Variants in GPR39 observed in about 807,000 individuals in gnomAD.
The protein encoded by GPR39 is G protein-coupled receptor 39, also known as zinc sensing receptor.
Under a neutral mutation model 18.4 loss-of-function variants are expected in GPR39, and 23 were observed. That is an observed-to-expected ratio of 1.25 (90% CI 0.90 to 1.77). The LOEUF (loss-of-function observed/expected upper bound fraction) is 1.77, where lower values mean the gene tolerates loss of function less well. GPR39 is among the 40% of genes most tolerant of loss of function. The probability of loss-of-function intolerance (pLI) is 0.00; values close to 1 mark genes in which losing one functional copy is unlikely to be tolerated. For missense variants in GPR39, 647 were observed against 602.4 expected (o/e 1.07, Z -0.78); for synonymous variants, 280 against 257.9 (o/e 1.09, Z -0.82).
intron 1 of GPR39, among the ~76,000 whole-genome samples, chr2:132,600,461 G>C (rs893043895): frequency 2.6e-5 from 4 of 151,876 alleles, no homozygotes; most frequent in African/African-American, 9.7e-5. Flanking sequence ...TTTTTAAAAA[G>C]ATAAAATTGA....
At chr2:132,525,160 C>G (rs1316985116) in intron 1 of GPR39, among the ~76,000 whole-genome samples, 1 of 152,190 alleles carries the variant, frequency 6.6e-6, no homozygotes, top group Non-Finnish European at 1.5e-5. Context: ...TCCCACTTCT[C>G]TTAAACTCCC....
intron 1 of GPR39, among the ~76,000 whole-genome samples, chr2:132,421,522 C>T (rs1680008516): frequency 6.6e-6 from 1 of 152,110 alleles, no homozygotes. Flanking sequence ...TAATTACACT[C>T]TTTTGCATTC....
chr2:132,428,954 A>G (rs370609428), intron 1 of GPR39, among the ~76,000 whole-genome samples: 44 of 152,262 alleles, frequency 2.9e-4, no homozygotes, highest in African/African-American at 1.0e-3. Flanking sequence ...CCCCTTTCTC[A>G]TGTTGTGTCA....
chr2:132,581,107 T>C (rs931343612), intron 1 of GPR39, among the ~76,000 whole-genome samples: 17 of 152,014 alleles, frequency 1.1e-4, no homozygotes, highest in Middle Eastern at 3.4e-3. Context: ...GTATCACTGA[T>C]TGGGAAAAAC....
At chr2:132,451,174 T>TGTGTGCGCGC (rs3219552) in intron 1 of GPR39, among the ~76,000 whole-genome samples, 21 of 150,354 alleles carry the variant, frequency 1.4e-4, no homozygotes, top group Non-Finnish European at 3.0e-4. Flanking sequence ...TGTGTGTGTG[T>TGTGTGCGCGC]GCACGCGCGT....
intron 1 of GPR39, among the ~76,000 whole-genome samples, chr2:132,557,525 T>C (rs145676300): frequency 6.6e-6 from 1 of 152,114 alleles, no homozygotes; most frequent in Non-Finnish European, 1.5e-5. Flanking sequence ...TCTCATGGGA[T>C]TCAATTACCA....
At chr2:132,516,491 T>C (rs1679336752) in intron 1 of GPR39, among the ~76,000 whole-genome samples, 1 of 152,176 alleles carries the variant, frequency 6.6e-6, no homozygotes, top group African/African-American at 2.4e-5. Flanking sequence ...GGGATGCAGA[T>C]AGCTGACATT....
At chr2:132,454,941 T>C (rs1476656006) in intron 1 of GPR39, among the ~76,000 whole-genome samples, 1 of 152,238 alleles carries the variant, frequency 6.6e-6, no homozygotes, top group Non-Finnish European at 1.5e-5. Context: ...TCTAAAATTC[T>C]CTTTTTTTGT....
At chr2:132,458,458 T>TTGTGTG (rs57137481) in intron 1 of GPR39, among the ~76,000 whole-genome samples, 17,430 of 132,022 alleles carry the variant, frequency 0.13, 1,223 homozygotes, top group East Asian at 0.19. Context: ...CTCGGTGTGT[T>TTGTGTG]TGTGTGTGTG....
At chr2:132,504,274 C>A (rs2104752904) in intron 1 of GPR39, among the ~76,000 whole-genome samples, 1 of 152,316 alleles carries the variant, frequency 6.6e-6, no homozygotes, top group Admixed American at 6.5e-5. Flanking sequence ...AGCCATCATT[C>A]ATCTCCTCTT....
intron 1 of GPR39, among the ~76,000 whole-genome samples, chr2:132,547,855 T>C (rs1254900020): frequency 6.6e-6 from 1 of 152,216 alleles, no homozygotes; most frequent in Admixed American, 6.5e-5. Context: ...AGTTTGTCCA[T>C]TCCTAAGGCT....
chr2:132,646,179 T>G lies in GPR39; in HGVS notation c.*573T>G, dbSNP rs1453725947. 1.2e-6 allele frequency: 2 copies of G among 1,610,810 alleles called. No individual in the cohort carries two copies. Among genetic ancestry groups the G allele is most frequent in the South Asian group, 2.2e-5 (2 of 90,468 alleles). ...CAAAGAGGGGTGTTGCAGCAGCTGATGCAAACTGAGTTCAGTTTCCCTGGG... is the reference window on the plus strand; with the variant it reads ...CAAAGAGGGGTGTTGCAGCAGCTGAGGCAAACTGAGTTCAGTTTCCCTGGG... On this transcript the variant is annotated 3_prime_UTR_variant, in exon 2 of 2. Transcript: ENST00000329321.
intron 1 of GPR39, among the ~76,000 whole-genome samples, chr2:132,546,122 A>G (rs1679944251): frequency 6.6e-6 from 1 of 152,226 alleles, no homozygotes; most frequent in South Asian, 2.1e-4. Flanking sequence ...TTTGGTTAAG[A>G]GTTGGTGAGT....
intron 1 of GPR39, among the ~76,000 whole-genome samples, chr2:132,474,478 G>A (rs7581754): frequency 0.42 from 64,261 of 152,040 alleles, 15,269 homozygotes; most frequent in Non-Finnish European, 0.54. Flanking sequence ...GCTGACTTAC[G>A]TCTGGAAACT....
At chr2:132,596,900 T>C (rs888827893) in intron 1 of GPR39, among the ~76,000 whole-genome samples, 1 of 152,224 alleles carries the variant, frequency 6.6e-6, no homozygotes, top group African/African-American at 2.4e-5. Flanking sequence ...GCTTTTTGAT[T>C]GAACATGTTT....
intron 1 of GPR39, among the ~76,000 whole-genome samples, chr2:132,559,662 C>T (rs1276257914): frequency 6.6e-6 from 1 of 151,868 alleles, no homozygotes; most frequent in African/African-American, 2.4e-5. Context: ...GTCGAATTGG[C>T]TAGAAAGAAT....
rs556426888 is a variant in GPR39, at chr2:132,521,090, A to G, written c.856+103192A>G. Among the ~76,000 whole-genome samples the G allele has an allele frequency of 3.3e-5, 5 of 152,286 alleles. No individual in the cohort carries two copies. In the East Asian group the frequency reaches 5.8e-4, roughly 18 times the overall value. On this transcript the variant is annotated intron_variant, in intron 1 of 1. Coordinates refer to ENST00000329321, the MANE Select transcript of GPR39 (RefSeq NM_001508.3). ...GTCTTAGCACACGGGCTTCGTCCTC[A>G]TGGTCACAGGATGACTTCGCCTTTC...
intron 1 of GPR39, among the ~76,000 whole-genome samples, chr2:132,486,212 G>A (rs1681335403): frequency 6.6e-6 from 1 of 152,162 alleles, no homozygotes; most frequent in South Asian, 2.1e-4. Context: ...AAACAGATGT[G>A]CTGCCTTCCA....
intron 1 of GPR39, among the ~76,000 whole-genome samples, chr2:132,642,641 A>G (rs1369742831): frequency 6.6e-6 from 1 of 152,208 alleles, no homozygotes; most frequent in Non-Finnish European, 1.5e-5. Flanking sequence ...TTGTTTCACA[A>G]GCCTGCCTTA....
Sources: allele counts gnomAD v4.1 joint callset (sites outside exome capture counted in the v4.1 genomes callset), GRCh38; gene constraint gnomAD v4.1.1; transcripts MANE v1.5; gene names NCBI Gene and HGNC (gene_info 2026-07-23, HGNC 2026-07-21).